CSMD1: variants seen among roughly 807,000 people sequenced by gnomAD.
The protein encoded by CSMD1 is CUB and Sushi multiple domains 1.
CSMD1 carries 213 observed loss-of-function variants against 417.5 expected under a neutral mutation model. That is an observed-to-expected ratio of 0.51 (90% CI 0.46 to 0.57). The LOEUF (loss-of-function observed/expected upper bound fraction) is 0.57, where lower values mean the gene tolerates loss of function less well. Ranked by LOEUF, CSMD1 falls within the 20% of genes least tolerant of loss-of-function variation. The pLI is 0.00. For missense variants in CSMD1, 6,923 were observed against 4,529.7 expected (o/e 1.53, Z -15.17); for synonymous variants, 2,862 against 1,736.8 (o/e 1.65, Z -16.11).
intron 3 of CSMD1, among the ~76,000 whole-genome samples, chr8:4,318,607 T>C (rs540113046): frequency 7.9e-5 from 12 of 152,198 alleles, no homozygotes; most frequent in Admixed American, 5.9e-4. Context: ...TTTACCCTTA[T>C]TGAATTAGTA....
intron 18 of CSMD1, among the ~76,000 whole-genome samples, chr8:3,378,259 A>G (rs565960151): frequency 1.9e-4 from 29 of 152,334 alleles, no homozygotes; most frequent in Admixed American, 1.3e-3. Flanking sequence ...AGTAATTAAT[A>G]GCCTACCAAC....
intron 12 of CSMD1, among the ~76,000 whole-genome samples, chr8:3,463,928 C>T (rs1021423268): frequency 6.6e-6 from 1 of 152,146 alleles, no homozygotes; most frequent in Non-Finnish European, 1.5e-5. Context: ...GACTGAGATG[C>T]CTACACAAAT....
intron 5 of CSMD1, among the ~76,000 whole-genome samples, chr8:3,959,167 G>A (rs1021102087): frequency 6.6e-6 from 1 of 152,194 alleles, no homozygotes. Context: ...AGTATAAGAA[G>A]TTACAGGGCA....
At chr8:4,543,724 C>G (rs1467284943) in intron 2 of CSMD1, among the ~76,000 whole-genome samples, 1 of 129,742 alleles carries the variant, frequency 7.7e-6, no homozygotes, top group Non-Finnish European at 1.6e-5. Context: ...GTCTTCCAAA[C>G]GGGCTGTACC....
chr8:4,743,875 T>A (rs1810782276), intron 1 of CSMD1, among the ~76,000 whole-genome samples: 2 of 152,254 alleles, frequency 1.3e-5, no homozygotes, highest in African/African-American at 4.8e-5. Flanking sequence ...CCCACTCAAG[T>A]TCTAGTTGCT....
At chr8:3,296,968 C>G (rs942116108) in intron 25 of CSMD1, among the ~76,000 whole-genome samples, 1 of 152,018 alleles carries the variant, frequency 6.6e-6, no homozygotes, top group African/African-American at 2.4e-5. Flanking sequence ...ATGTCTTCAA[C>G]AAAGAAATAG....
At chr8:4,398,677 G>A (rs1430405611) in intron 3 of CSMD1, among the ~76,000 whole-genome samples, 1 of 152,100 alleles carries the variant, frequency 6.6e-6, no homozygotes, top group African/African-American at 2.4e-5. Context: ...TTACAGGCAT[G>A]AGCCATCACA....
intron 3 of CSMD1, among the ~76,000 whole-genome samples, chr8:4,063,217 G>C (rs955766142): frequency 2.6e-5 from 4 of 151,966 alleles, no homozygotes; most frequent in Non-Finnish European, 5.9e-5. Flanking sequence ...ATGAGACTTT[G>C]TGTGCATATT....
At chr8:4,458,336 A>T (rs1410054264) in intron 2 of CSMD1, among the ~76,000 whole-genome samples, 2 of 152,166 alleles carry the variant, frequency 1.3e-5, no homozygotes, top group Non-Finnish European at 2.9e-5. Context: ...CGATTAGCTG[A>T]AAGTTATATC....
intron 1 of CSMD1, among the ~76,000 whole-genome samples, chr8:4,910,324 C>A (rs1805576757): frequency 6.6e-6 from 1 of 152,088 alleles, no homozygotes; most frequent in African/African-American, 2.4e-5. Context: ...CTTTTTCTGT[C>A]AATGTTGATG....
intron 6 of CSMD1, among the ~76,000 whole-genome samples, chr8:3,713,367 C>A (rs1401291458): frequency 4.6e-5 from 7 of 152,056 alleles, no homozygotes; most frequent in Non-Finnish European, 1.0e-4. Context: ...TTTAAAATGG[C>A]AATAATGTAA....
intron 54 of CSMD1, among the ~76,000 whole-genome samples, chr8:2,996,881 C>A (rs1434214135): frequency 1.3e-5 from 2 of 152,182 alleles, no homozygotes; most frequent in Admixed American, 6.5e-5. Context: ...AAATCAGTAA[C>A]CATGTTCCTC....
At chr8:3,724,432 A>G (rs1405036723) in intron 6 of CSMD1, among the ~76,000 whole-genome samples, 1 of 152,216 alleles carries the variant, frequency 6.6e-6, no homozygotes, top group Non-Finnish European at 1.5e-5. Flanking sequence ...AGTGATAAAC[A>G]TTTAAAATTT....
chr8:4,351,743 G>A lies in CSMD1; in HGVS notation c.415+68210C>T, dbSNP rs78614997. On this transcript the variant is annotated intron_variant, in intron 3 of 69. Transcript: ENST00000635120. ...AAAAGAAAAAGGCCTTCTAGGTTGA[G>A]CAAGACCCACTTGAGAAGATGTGAA... Among the ~76,000 whole-genome samples, 1,242 of 152,248 alleles carry A rather than the reference G, an allele frequency of 8.2e-3. 15 individuals carry two copies. Among genetic ancestry groups the A allele is most frequent in the African/African-American group, 0.029 (1,196 of 41,544 alleles).
intron 11 of CSMD1, among the ~76,000 whole-genome samples, chr8:3,481,100 G>A (rs1817718013): frequency 7.0e-6 from 1 of 142,616 alleles, no homozygotes; most frequent in Non-Finnish European, 1.5e-5. Context: ...AGCTTGCAGT[G>A]AGCCCAGATT....
intron 17 of CSMD1, among the ~76,000 whole-genome samples, chr8:3,389,206 T>C (rs1333575807): frequency 1.3e-5 from 2 of 152,142 alleles, no homozygotes; most frequent in African/African-American, 2.4e-5. Context: ...ACAGATTATT[T>C]CCTCACCCAA....
At chr8:4,697,294 A>T (rs2116797162) in intron 1 of CSMD1, among the ~76,000 whole-genome samples, 1 of 152,278 alleles carries the variant, frequency 6.6e-6, no homozygotes, top group Non-Finnish European at 1.5e-5. Context: ...AAACAAGAGG[A>T]CCACCTGGAC....
At chr8:3,012,684 TAA>T (rs1357904500) in intron 52 of CSMD1, among the ~76,000 whole-genome samples, 1 of 152,214 alleles carries the variant, frequency 6.6e-6, no homozygotes, top group Admixed American at 6.5e-5. Context: ...TGCTTTTGCA[TAA>T]AGTCTTAGTT....
chr8:3,338,791 G>A (rs1807445473), intron 23 of CSMD1, among the ~76,000 whole-genome samples: 1 of 151,214 alleles, frequency 6.6e-6, no homozygotes, highest in Non-Finnish European at 1.5e-5. Context: ...TGCAGATCCA[G>A]CTGTTCATCT....
Sources: gnomAD v4.1 joint callset for allele counts (sites outside exome capture counted in the v4.1 genomes callset) on GRCh38, gnomAD v4.1.1 for gene constraint, MANE v1.5 for transcripts, NCBI Gene and HGNC (gene_info 2026-07-23, HGNC 2026-07-21) for gene names.